The following CSMD2 variants were observed in gnomAD, a reference collection of about 807,000 sequenced individuals.
CSMD2 encodes the protein CUB and sushi domain-containing protein 2.
CSMD2 carries 130 observed loss-of-function variants against 398.5 expected under a neutral mutation model. The observed-to-expected ratio is 0.33, with a 90% CI of 0.28 to 0.38. CSMD2 has a LOEUF of 0.38. Among genes scored for constraint, CSMD2 ranks in the 10% least tolerant of loss-of-function variants. The pLI, the probability that CSMD2 is intolerant of heterozygous loss-of-function variation, is 1.00. For synonymous variants in CSMD2, 1,828 were observed against 1,908.5 expected (o/e 0.96, Z 1.10); for missense variants, 3,829 against 4,764.9 (o/e 0.80, Z 5.78).
At chr1:33,606,884 C>A (rs1458514933) in intron 41 of CSMD2, among the ~76,000 whole-genome samples, 3 of 152,098 alleles carry the variant, frequency 2.0e-5, no homozygotes, top group African/African-American at 7.2e-5. Flanking sequence ...TGTTCCCCTG[C>A]AAGAAGCTTC....
rs568147186 is a variant in CSMD2, at chr1:34,042,459, A to C, written c.405-9753T>G. On this transcript the variant is annotated intron_variant, in intron 2 of 70. Coordinates refer to ENST00000373381, the MANE Select transcript of CSMD2 (RefSeq NM_001281956.2). Reference sequence around the variant, plus strand: ...CTATATTACCATTTATTCCTGGATAATTCTATATTAGTTGGGCTCTTTAAG... The same window carrying C: ...CTATATTACCATTTATTCCTGGATACTTCTATATTAGTTGGGCTCTTTAAG... Among the ~76,000 whole-genome samples, 23 of 152,314 alleles carry C rather than the reference A, an allele frequency of 1.5e-4. 1 individual carries two copies. The highest frequency in any genetic ancestry group is 5.5e-4 in the African/African-American group (23 of 41,566).
chr1:34,082,981 A>G (rs1657425487), intron 2 of CSMD2, among the ~76,000 whole-genome samples: 1 of 151,912 alleles, frequency 6.6e-6, no homozygotes. Context: ...CTTTGTTCAC[A>G]TGTTTATCTG....
At chr1:33,888,756 T>TTTTTTTTTTTTGTTG (rs1553244524) in intron 5 of CSMD2, among the ~76,000 whole-genome samples, 2 of 148,820 alleles carry the variant, frequency 1.3e-5, no homozygotes, top group African/African-American at 2.5e-5. Flanking sequence ...TCAACTGATT[T>TTTTTTTTTTTTGTTG]TTGTTGTTGT....
At chr1:33,921,100 G>C (rs1339819631) in intron 4 of CSMD2, among the ~76,000 whole-genome samples, 1 of 152,156 alleles carries the variant, frequency 6.6e-6, no homozygotes, top group Non-Finnish European at 1.5e-5. Flanking sequence ...GGACTGCGAA[G>C]GTCCTTGAAT....
intron 49 of CSMD2, among the ~76,000 whole-genome samples, chr1:33,576,550 C>G (rs1638257360): frequency 6.6e-6 from 1 of 152,164 alleles, no homozygotes; most frequent in Admixed American, 6.5e-5. Context: ...GAGATCATGC[C>G]ACTGGACTCC....
In CSMD2 at chr1:33,519,531, C is replaced by T. The variant is rs1055913545; in HGVS notation, c.10883G>A (p.Cys3628Tyr). The T allele has an allele frequency of 6.2e-7, 1 of 1,613,702 alleles. No individual in the cohort carries two copies. Among genetic ancestry groups the T allele is most frequent in the African/African-American group, 1.3e-5 (1 of 74,860 alleles). ...SEAEFTVSTV[C>Y]TAV ...CAGGCCGGGTGGCTATACTGCTGTG[C>T]ACACTGTGCTGACTGTGAACTCCGC... is the stretch of plus-strand genomic sequence containing the variant. Residue 3628 changes from cysteine (C) to tyrosine (Y), a missense_variant, in exon 70 of 71, where the codon TGC becomes TAC. This residue lies in a region of CSMD2 where 917 missense variants were observed against 1,199.5 expected (regional missense o/e 0.76). Transcript: ENST00000373381. The surrounding 1 kb of genome is among the most constrained non-coding windows in gnomAD (Gnocchi z 5.6).
chr1:34,102,931 C>T (rs940342611), intron 1 of CSMD2, among the ~76,000 whole-genome samples: 3 of 152,198 alleles, frequency 2.0e-5, no homozygotes. Flanking sequence ...GCACCCTCCC[C>T]AGTAAAATAC....
intron 3 of CSMD2, among the ~76,000 whole-genome samples, chr1:33,937,973 A>G (rs1448078144): frequency 6.6e-6 from 1 of 152,256 alleles, no homozygotes; most frequent in Non-Finnish European, 1.5e-5. Flanking sequence ...TGGCACTTGT[A>G]GGGACATATG....
chr1:34,152,246 T>C (rs1231898049), intron 1 of CSMD2, among the ~76,000 whole-genome samples: 1 of 152,192 alleles, frequency 6.6e-6, no homozygotes, highest in Admixed American at 6.5e-5. Flanking sequence ...ATGGGTTTCA[T>C]GTACTTTTGA....
chr1:34,131,346 G>GA (rs202121428), intron 1 of CSMD2, among the ~76,000 whole-genome samples: 1 of 150,912 alleles, frequency 6.6e-6, no homozygotes, highest in Non-Finnish European at 1.5e-5. Flanking sequence ...AGGTGCAGGA[G>GA]AGGGGGGGGT....
chr1:33,589,314 T>C (rs1438862289), intron 44 of CSMD2, among the ~76,000 whole-genome samples: 1 of 152,190 alleles, frequency 6.6e-6, no homozygotes, highest in East Asian at 1.9e-4. Context: ...CCAGTTCATG[T>C]AATGATTGTC....
intron 27 of CSMD2, among the ~76,000 whole-genome samples, chr1:33,653,801 C>A (rs1291387929): frequency 6.6e-6 from 1 of 152,104 alleles, no homozygotes; most frequent in Non-Finnish European, 1.5e-5. Flanking sequence ...AACCACAGGG[C>A]ACCATCAGAG....
intron 1 of CSMD2, among the ~76,000 whole-genome samples, chr1:34,092,379 G>T (rs997750319): frequency 6.6e-6 from 1 of 152,168 alleles, no homozygotes; most frequent in East Asian, 1.9e-4. Flanking sequence ...AGTTTAACTG[G>T]AAAAATAGAT....
At chr1:33,606,564 C>T (rs534197487) in intron 41 of CSMD2, among the ~76,000 whole-genome samples, 1 of 152,364 alleles carries the variant, frequency 6.6e-6, no homozygotes, top group African/African-American at 2.4e-5. Context: ...CCAGGACAGG[C>T]CTGGCCCTGC....
In CSMD2 at chr1:33,550,312, G is replaced by T; in HGVS notation, c.8782C>A (p.Gln2928Lys). ...ACAGTATAACTGTCTCCAGACATCT[G>T]GGAGTGAGGCGGGGAGCCCGGATGG... ...CGHPGSPPHS[Q>K]MSGDSYTVGA... Residue 2928 changes from glutamine to lysine, a missense_variant, in exon 56 of 71, where the codon CAG (glutamine) becomes AAG (lysine). Around this residue, in one of 5 missense-constraint regions of CSMD2, gnomAD observed 917 missense variants for 1,199.5 expected, o/e 0.76. Coordinates refer to ENST00000373381, the MANE Select transcript of CSMD2 (RefSeq NM_001281956.2). 6.2e-7 allele frequency: 1 copy of T among 1,614,166 alleles called. No homozygotes were observed. The highest frequency in any genetic ancestry group is 8.5e-7 in the Non-Finnish European group (1 of 1,180,004).
Position 33,577,464 on chromosome 1 carries a change from T to C in CSMD2, c.7408A>G (p.Arg2470Gly). The change falls in exon 49 of 71, where the codon AGG becomes GGG. Residue 2470 changes from arginine (R) to glycine (G), a missense_variant. Arg to Gly is a moderately radical substitution (Grantham distance 125, BLOSUM62 -2). Around this residue, in one of 5 missense-constraint regions of CSMD2, gnomAD observed 723 missense variants for 758.6 expected, o/e 0.95. Coordinates refer to ENST00000373381, the MANE Select transcript of CSMD2 (RefSeq NM_001281956.2). ...RYSAPYCSLP[R>G]APLHGFILGQ... ...AGGATGAAGCCATGGAGTGGAGCCC[T>C]GGGCAGGCTGCAGTAAGGGGCTGAA... The C allele has an allele frequency of 1.2e-6, 2 of 1,612,532 alleles. No homozygotes were observed. Among genetic ancestry groups the C allele is most frequent in the Non-Finnish European group, 1.7e-6 (2 of 1,178,880 alleles).
chr1:33,622,516 G>A (rs865949528), intron 36 of CSMD2, among the ~76,000 whole-genome samples: 3 of 152,170 alleles, frequency 2.0e-5, no homozygotes, highest in Admixed American at 6.5e-5. Flanking sequence ...CCATGTGCCC[G>A]CAGGAGGGTG....
In CSMD2 at chr1:33,580,774, C is replaced by G. The variant is rs1246293320; in HGVS notation, c.7366G>C (p.Gly2456Arg). The change falls in exon 48 of 71, where the codon GGC becomes CGC. Residue 2456 changes from glycine (G) to arginine (R), a missense_variant. Around this residue, in one of 5 missense-constraint regions of CSMD2, gnomAD observed 723 missense variants for 758.6 expected, o/e 0.95. Coordinates refer to ENST00000373381, the MANE Select transcript of CSMD2 (RefSeq NM_001281956.2). ...TCACCTGAATAGCGGATCTTGAAGC[C>G]CTTCCGATTGTAGGCGTGATCAGAT... ...WSSDHAYNRK[G>R]FKIRYSAPYC... The G allele has an allele frequency of 1.2e-6, 2 of 1,613,968 alleles. No individual in the cohort carries two copies. Among genetic ancestry groups the G allele is most frequent in the Admixed American group, 3.3e-5 (2 of 59,990 alleles).
intron 10 of CSMD2, among the ~76,000 whole-genome samples, chr1:33,801,276 G>T (rs1655574484): frequency 6.6e-6 from 1 of 152,100 alleles, no homozygotes; most frequent in South Asian, 2.1e-4. Context: ...CAAATCAAGT[G>T]AGGCTCATGT....
Sources: allele counts gnomAD v4.1 joint callset (sites outside exome capture counted in the v4.1 genomes callset), GRCh38; gene constraint gnomAD v4.1.1; regional missense constraint gnomAD v4.1.1; non-coding constraint Gnocchi (gnomAD v3.1); transcripts MANE v1.5; gene names NCBI Gene and HGNC (gene_info 2026-07-23, HGNC 2026-07-21).